The following MAP1LC3B2 variants were observed in gnomAD, a reference collection of about 807,000 sequenced individuals.
MAP1LC3B2 encodes the protein microtubule-associated protein 1 light chain 3 beta 2.
For missense variants in MAP1LC3B2, 155 were observed against 154.6 expected (o/e 1.00, Z -0.01); for synonymous variants, 62 against 57.8 (o/e 1.07, Z -0.33).
chr12:116,575,193 A>AT (rs1869639837), intron 1 of MAP1LC3B2, among the ~76,000 whole-genome samples: 1 of 151,934 alleles, frequency 6.6e-6, no homozygotes, highest in African/African-American at 2.4e-5. Context: ...AAAAAAAAAA[A>AT]AAAGCAAGCA....
intron 1 of MAP1LC3B2, among the ~76,000 whole-genome samples, chr12:116,560,941 A>AC (rs1460120259): frequency 1.3e-5 from 2 of 152,082 alleles, no homozygotes; most frequent in Non-Finnish European, 2.9e-5. Context: ...ATATGGCTTA[A>AC]CCCCATCTCT....
At position 116,576,024 on chromosome 12, in the gene MAP1LC3B2, C is replaced by A; in HGVS notation, c.82C>A (p.Pro28Thr). 1 of 1,614,208 alleles carries A rather than the reference C, an allele frequency of 6.2e-7. No individual in the cohort carries two copies. Among genetic ancestry groups the A allele is most frequent in the Non-Finnish European group, 8.5e-7 (1 of 1,180,040 alleles). ...TGTCCGACTTATTCGAGAGCAGCAT[C>A]CAACCAAAATCCCGGTGATAATAGA... ...EDVRLIREQHPTKIPVIIERY... is the reference protein window; with the variant it reads ...EDVRLIREQHTTKIPVIIERY... The change falls in exon 2 of 2, where the codon CCA becomes ACA. Residue 28 changes from proline to threonine, a missense_variant. Physicochemically the swap from Pro to Thr is conservative, Grantham distance 38. Coordinates refer to ENST00000556529, the MANE Select transcript of MAP1LC3B2 (RefSeq NM_001085481.3).
chr12:116,560,218 A>ATATATATATGTATGTATATG (rs1869227036), intron 1 of MAP1LC3B2: 1 of 71,184 alleles, frequency 1.4e-5, no homozygotes, highest in Non-Finnish European at 2.8e-5. Flanking sequence ...ATATATATAT[A>ATATATATATGTATGTATATG]TATATATATA....
chr12:116,576,326 G>GA lies in MAP1LC3B2; in HGVS notation c.*12dup, dbSNP rs55717114. 0.26 allele frequency: 416,115 copies of GA among 1,600,402 alleles called. 56,546 individuals carry two copies. The highest frequency in any genetic ancestry group is 0.48 in the East Asian group (21,261 of 44,738). On this transcript the variant is annotated 3_prime_UTR_variant, in exon 2 of 2. Coordinates refer to ENST00000556529, the MANE Select transcript of MAP1LC3B2 (RefSeq NM_001085481.3). Reference sequence around the variant, plus strand: ...GGATGAAATTGTCAGTGTAAAACCAGAAAAAATGCATCTCTTCTAGAATTT... The same window carrying GA: ...GGATGAAATTGTCAGTGTAAAACCAGAAAAAAATGCATCTCTTCTAGAATTT...
intron 1 of MAP1LC3B2, among the ~76,000 whole-genome samples, chr12:116,574,517 G>A (rs2136964655): frequency 6.6e-6 from 1 of 152,070 alleles, no homozygotes; most frequent in South Asian, 2.1e-4. Context: ...GTGGTGGCGT[G>A]CCCCTGTGGC....
rs1405014479 is a variant in MAP1LC3B2, at chr12:116,575,988, A to G, written c.46A>G (p.Arg16Gly). 2 of 1,614,202 alleles carry G rather than the reference A, an allele frequency of 1.2e-6. No individual in the cohort carries two copies. Among genetic ancestry groups the G allele is most frequent in the Non-Finnish European group, 1.7e-6 (2 of 1,180,040 alleles). The change falls in exon 2 of 2, where the codon AGA becomes GGA. Residue 16 changes from arginine to glycine, a missense_variant. By Grantham distance (125) the Arg-to-Gly change is moderately radical. Coordinates refer to ENST00000556529, the MANE Select transcript of MAP1LC3B2 (RefSeq NM_001085481.3). Reference sequence around the variant, plus strand: ...CAAGCAGCGGCGCACCTTCGAACAAAGAGTAGAAGATGTCCGACTTATTCG... The same window carrying G: ...CAAGCAGCGGCGCACCTTCGAACAAGGAGTAGAAGATGTCCGACTTATTCG... ...TFKQRRTFEQRVEDVRLIREQ... is the reference protein window; with the variant it reads ...TFKQRRTFEQGVEDVRLIREQ...
rs563944669 is a variant in MAP1LC3B2, at chr12:116,570,670, G to A, written c.-101-5172G>A. Among the ~76,000 whole-genome samples the A allele has an allele frequency of 7.9e-5, 12 of 152,206 alleles. No individual in the cohort carries two copies. In the South Asian group the frequency reaches 2.5e-3, roughly 32 times the overall value. On this transcript the variant is annotated intron_variant, in intron 1 of 1. Coordinates refer to ENST00000556529, the MANE Select transcript of MAP1LC3B2 (RefSeq NM_001085481.3). The stretch of plus-strand genomic sequence containing the variant: ...TGCTGCCATGTAAGATGTGCCTTTT[G>A]CCTTCCACCATGATTGTGAGGCCTC...
Position 116,575,868 on chromosome 12 carries a change from T to A in MAP1LC3B2, c.-75T>A. 1 of 1,584,366 alleles carries A rather than the reference T, an allele frequency of 6.3e-7. No individual in the cohort carries two copies. The highest frequency in any genetic ancestry group is 8.6e-7 in the Non-Finnish European group (1 of 1,156,334). ...CTTACACGGCCACAGTCGGATTCGC[T>A]GCCGCAGCAGCCGCCACCCCCAGGA... On this transcript the variant is annotated 5_prime_UTR_variant, in exon 2 of 2. Coordinates refer to ENST00000556529, the MANE Select transcript of MAP1LC3B2 (RefSeq NM_001085481.3).
chr12:116,566,628 A>AAC (rs1869392320), intron 1 of MAP1LC3B2, among the ~76,000 whole-genome samples: 3 of 143,416 alleles, frequency 2.1e-5, no homozygotes, highest in Non-Finnish European at 3.0e-5. Context: ...AAAAAAAAAA[A>AAC]AAAAAAAAAA....
intron 1 of MAP1LC3B2, among the ~76,000 whole-genome samples, chr12:116,560,809 C>G (rs534421031): frequency 8.0e-6 from 1 of 125,330 alleles, no homozygotes. Context: ...GACCCTGTTT[C>G]TACAAATAGT....
rs141683321 is a variant in MAP1LC3B2, at chr12:116,560,774, A to G, written c.-102+1341A>G. On this transcript the variant is annotated intron_variant, in intron 1 of 1. Transcript: ENST00000556529. ...ACAGGTATCCTTATAAAAGGAAGGC[A>G]GATCCAGCTTGGGCAACATAGGGAG... Among the ~76,000 whole-genome samples the G allele has an allele frequency of 2.4e-3, 359 of 151,992 alleles. 3 individuals carry two copies. The highest frequency in any genetic ancestry group is 0.01 in the Middle Eastern group (3 of 292).
intron 1 of MAP1LC3B2, among the ~76,000 whole-genome samples, chr12:116,564,620 G>A (rs1869345572): frequency 6.6e-6 from 1 of 152,160 alleles, no homozygotes; most frequent in South Asian, 2.1e-4. Context: ...TCCAATAGCA[G>A]TTCCTTGACA....
At chr12:116,573,907 A>G (rs1182226819) in intron 1 of MAP1LC3B2, among the ~76,000 whole-genome samples, 1 of 152,252 alleles carries the variant, frequency 6.6e-6, no homozygotes, top group Non-Finnish European at 1.5e-5. Context: ...TAGAAATGCA[A>G]ATGGCCAACG....
At chr12:116,570,924 C>T (rs770666441) in intron 1 of MAP1LC3B2, among the ~76,000 whole-genome samples, 10 of 152,174 alleles carry the variant, frequency 6.6e-5, no homozygotes, top group Non-Finnish European at 1.3e-4. Context: ...GTGTGAGTAA[C>T]AAGGTATATA....
intron 1 of MAP1LC3B2, among the ~76,000 whole-genome samples, chr12:116,570,010 C>T (rs538485185): frequency 6.1e-4 from 93 of 152,072 alleles, no homozygotes; most frequent in East Asian, 2.5e-3. Flanking sequence ...GCCGAGATCG[C>T]GCCACTGCAC....
At chr12:116,570,595 T>C (rs1869501550) in intron 1 of MAP1LC3B2, among the ~76,000 whole-genome samples, 1 of 152,206 alleles carries the variant, frequency 6.6e-6, no homozygotes, top group African/African-American at 2.4e-5. Context: ...CGAGATCTGA[T>C]GGTTTTATAA....
intron 1 of MAP1LC3B2, among the ~76,000 whole-genome samples, chr12:116,564,213 G>T (rs1341382061): frequency 6.6e-6 from 1 of 152,078 alleles, no homozygotes; most frequent in Admixed American, 6.5e-5. Context: ...TTTGGGGTCT[G>T]TTTATATTGA....
Position 116,576,090 on chromosome 12 carries a change from A to G in MAP1LC3B2, c.148A>G (p.Thr50Ala), listed in dbSNP as rs1395161675. Residue 50 changes from threonine (T) to alanine (A), a missense_variant, in exon 2 of 2, where the codon ACA becomes GCA. Thr to Ala is a moderately conservative substitution (Grantham distance 58). Coordinates refer to ENST00000556529, the MANE Select transcript of MAP1LC3B2 (RefSeq NM_001085481.3). ...GEKQLPVLDK[T>A]KFLVPDHVNM... ...GAAGCAGCTTCCTGTTCTGGATAAA[A>G]CAAAGTTCCTTGTACCTGACCATGT... 6.2e-7 allele frequency: 1 copy of G among 1,614,234 alleles called. No individual in the cohort carries two copies. Among genetic ancestry groups the G allele is most frequent in the East Asian group, 2.2e-5 (1 of 44,882 alleles).
intron 1 of MAP1LC3B2, among the ~76,000 whole-genome samples, chr12:116,565,337 G>A (rs946289821): frequency 6.6e-6 from 1 of 152,210 alleles, no homozygotes; most frequent in Non-Finnish European, 1.5e-5. Context: ...GCAAAGAGGA[G>A]CAAGTCATGT....
Sources: allele counts gnomAD v4.1 joint callset (sites outside exome capture counted in the v4.1 genomes callset), GRCh38; gene constraint gnomAD v4.1.1; transcripts MANE v1.5; gene names NCBI Gene and HGNC (gene_info 2026-07-23, HGNC 2026-07-21).